The following SKP1 variants were observed in gnomAD, a reference collection of about 807,000 sequenced individuals.
SKP1 encodes S-phase kinase associated protein 1.
In SKP1, 1 loss-of-function variant was observed where a neutral mutation model predicts 21.5. The observed-to-expected ratio is 0.05, with a 90% confidence interval of 0.02 to 0.22. SKP1 has a LOEUF of 0.22. Among genes scored for constraint, SKP1 ranks in the 10% least tolerant of loss-of-function variants. SKP1 has a pLI of 1.00. For synonymous variants in SKP1, 59 were observed against 59.3 expected, an observed-to-expected ratio of 0.99 and a Z score of 0.03; for missense variants, 70 against 192.0, an observed-to-expected ratio of 0.36 and a Z score of 3.76.
In SKP1 at chr5:134,149,025, A is replaced by C. The variant is rs1349422555; in HGVS notation, c.*8708T>G. The C allele has an allele frequency of 6.6e-6, 1 of 152,218 alleles. No individual in the cohort carries two copies. The highest frequency in any genetic ancestry group is 6.5e-5 in the Admixed American group (1 of 15,286). 9.4% of individuals were successfully genotyped at this position (152,218 alleles called of 1,614,324 possible). A position where few individuals can be genotyped will look rare whatever the true frequency, so the allele number is the denominator to read the frequency against. On this transcript the variant is annotated 3_prime_UTR_variant, in exon 6 of 6. Coordinates refer to ENST00000353411, the MANE Select transcript of SKP1 (RefSeq NM_170679.3). ...GGGGGTACAAATGCAGCTGTGTTACATGAATATATTGTGTAGCGGTGAGGT... is the reference window on the plus strand; with the variant it reads ...GGGGGTACAAATGCAGCTGTGTTACCTGAATATATTGTGTAGCGGTGAGGT...
At position 134,150,116 on chromosome 5, in the gene SKP1, A is replaced by G. The variant is rs893899804; in HGVS notation, c.*7617T>C. ...AAGACGTTCATCCCTCCCCTGGTACAGCTGCTCCCCATTTTGTTCTCTGTG... is the reference window on the plus strand; with the variant it reads ...AAGACGTTCATCCCTCCCCTGGTACGGCTGCTCCCCATTTTGTTCTCTGTG... On this transcript the variant is annotated 3_prime_UTR_variant, in exon 6 of 6. Transcript: ENST00000353411. 3 of 152,082 alleles carry G rather than the reference A, an allele frequency of 2.0e-5. No individual in the cohort carries two copies. The highest frequency in any genetic ancestry group is 6.5e-5 in the Admixed American group (1 of 15,286). The allele number at this position is 152,082 out of a possible 1,614,324, so 9.4% of individuals were successfully genotyped here. A position where few individuals can be genotyped will look rare whatever the true frequency, so the allele number is the denominator to read the frequency against.
At position 134,151,416 on chromosome 5, in the gene SKP1, T is replaced by C. The variant is rs1761041373; in HGVS notation, c.*6317A>G. ...ATTTTCCCACCCCTTTCCGTAAGCT[T>C]CCTGGAACAGAAAAATCTGCAAAGC... On this transcript the variant is annotated 3_prime_UTR_variant, in exon 6 of 6. Transcript: ENST00000353411. The C allele has an allele frequency of 4.1e-6, 1 of 243,398 alleles. No individual in the cohort carries two copies. The highest frequency in any genetic ancestry group is 4.7e-5 in the Admixed American group (1 of 21,450). The allele number at this position is 243,398 out of a possible 1,614,324, so 15.1% of individuals were successfully genotyped here.
intron 5 of SKP1, chr5:134,158,147 G>A: frequency 1.5e-6 from 2 of 1,374,706 alleles, no homozygotes; most frequent in Non-Finnish European, 1.9e-6. Flanking sequence ...TCTAGGGCCT[G>A]CTTTTCTGAT....
chr5:134,170,946 C>T (rs1055474172), intron 2 of SKP1: 3 of 445,814 alleles, frequency 6.7e-6, no homozygotes, highest in Admixed American at 2.5e-5. Flanking sequence ...TAAAACCTTA[C>T]TCACCTGCCT....
At chr5:134,174,180 A>G (rs1179192920) in intron 1 of SKP1, among the ~76,000 whole-genome samples, 158 bp from the exon 2 acceptor site, 2 of 152,260 alleles carry the variant, frequency 1.3e-5, no homozygotes, top group Non-Finnish European at 2.9e-5. Context: ...GCAGTTATTC[A>G]CAAGTTAGTC....
At chr5:134,172,791 T>A (rs982526799) in intron 2 of SKP1, among the ~76,000 whole-genome samples, 1 of 151,908 alleles carries the variant, frequency 6.6e-6, no homozygotes, top group African/African-American at 2.4e-5. Context: ...GGCGGGTGGA[T>A]CGCAAGGTCA....
In SKP1 at chr5:134,158,476, A is replaced by G. The variant is rs768299975; in HGVS notation, c.435T>C (p.Phe145=). The change falls in exon 5 of 6, where the codon TTT becomes TTC. Residue 145 remains phenylalanine (F), a synonymous_variant. Coordinates refer to ENST00000353411, the MANE Select transcript of SKP1 (RefSeq NM_170679.3). ...CTACCTGGGCTTCCTCCTCTTCAGT[A>G]AAGTCATTTTTGATATTGAAGGTCT... ...IRKTFNIKND[F]TEEEEAQVRK... 94 of 1,613,950 alleles carry G rather than the reference A, an allele frequency of 5.8e-5. No individual in the cohort carries two copies. Among genetic ancestry groups the G allele is most frequent in the Non-Finnish European group, 7.9e-5 (93 of 1,179,976 alleles).
Position 134,159,347 on chromosome 5 carries a change from G to A in SKP1, c.316-752C>T, listed in dbSNP as rs541192651. Among the ~76,000 whole-genome samples, 140 of 152,256 alleles carry A rather than the reference G, an allele frequency of 9.2e-4. 1 individual carries two copies. Among genetic ancestry groups the A allele is most frequent in the Non-Finnish European group, 1.4e-3 (95 of 68,016 alleles). ...GTGATTTCTAATTCCATTGCAGTCA[G>A]AAGACATACTTTGTATGACCTGAAT... On this transcript the variant is annotated intron_variant, in intron 4 of 5. Coordinates refer to ENST00000353411, the MANE Select transcript of SKP1 (RefSeq NM_170679.3).
chr5:134,173,427 G>T, intron 2 of SKP1: 1 of 236,052 alleles, frequency 4.2e-6, no homozygotes, highest in Non-Finnish European at 8.6e-6. Context: ...GAAGGTTGAG[G>T]CTGCAGTGAG....
intron 2 of SKP1, among the ~76,000 whole-genome samples, chr5:134,167,745 C>T (rs6896125): frequency 0.021 from 3,237 of 152,156 alleles, 110 homozygotes; most frequent in African/African-American, 0.074. Flanking sequence ...AGGATGGTCT[C>T]GATCTCCTGA....
In SKP1 at chr5:134,151,544, CTT is replaced by C. The variant is rs1222772144; in HGVS notation, c.*6187_*6188del. On this transcript the variant is annotated 3_prime_UTR_variant, in exon 6 of 6. Coordinates refer to ENST00000353411, the MANE Select transcript of SKP1 (RefSeq NM_170679.3). ...GTGGGAGGTATTCAAAGTGAGAGCA[CTT>C]TAAGGAAATAAGCTGATCCTCAGTG... 1.4e-5 allele frequency: 5 copies of C among 359,198 alleles called. No individual in the cohort carries two copies. The highest frequency in any genetic ancestry group is 2.9e-5 in the Non-Finnish European group (5 of 174,884). The allele number at this position is 359,198 out of a possible 1,614,324, so 22.3% of individuals were successfully genotyped here. A position where few individuals can be genotyped will look rare whatever the true frequency, so the allele number is the denominator to read the frequency against.
chr5:134,173,843 G>T, intron 2 of SKP1, 83 bp downstream of exon 2: 1 of 818,810 alleles, frequency 1.2e-6, no homozygotes, highest in African/African-American at 1.7e-5. Context: ...CCTTATGACA[G>T]GCTGCTGCTC....
intron 2 of SKP1, among the ~76,000 whole-genome samples, chr5:134,167,717 G>T (rs1269977399): frequency 6.6e-6 from 1 of 152,088 alleles, no homozygotes; most frequent in Non-Finnish European, 1.5e-5. Context: ...GGAGAGACGG[G>T]GTTTCACCGT....
In SKP1 at chr5:134,149,839, T is replaced by G. The variant is rs1761017240; in HGVS notation, c.*7894A>C. The G allele has an allele frequency of 6.7e-6, 1 of 148,708 alleles. No homozygotes were observed. Among genetic ancestry groups the G allele is most frequent in the African/African-American group, 2.6e-5 (1 of 38,856 alleles). 9.2% of individuals were successfully genotyped at this position (148,708 alleles called of 1,614,324 possible). ...GAAGTCTTTGGCAACTCTGTTTAAA[T>G]CAGATCAGCTTTTTTTTTTTTTAAT... On this transcript the variant is annotated 3_prime_UTR_variant, in exon 6 of 6. Coordinates refer to ENST00000353411, the MANE Select transcript of SKP1 (RefSeq NM_170679.3).
intron 1 of SKP1, among the ~76,000 whole-genome samples, chr5:134,176,422 G>C (rs897678276): frequency 2.6e-5 from 4 of 152,060 alleles, no homozygotes; most frequent in Admixed American, 6.5e-5. Flanking sequence ...GCCAGACACC[G>C]ACACACGCCC....
intron 4 of SKP1, among the ~76,000 whole-genome samples, chr5:134,160,361 AAT>A (rs747889801): frequency 2.0e-5 from 3 of 150,894 alleles, no homozygotes. Context: ...CTGTCTCAAA[AAT>A]ATATATATAT....
At chr5:134,164,219 T>C (rs1390739264) in intron 3 of SKP1, among the ~76,000 whole-genome samples, 1 of 149,556 alleles carries the variant, frequency 6.7e-6, no homozygotes, top group Non-Finnish European at 1.5e-5. Context: ...CTACTGAGGC[T>C]GAAGCAGGAG....
At chr5:134,167,982 A>G (rs1331106145) in intron 2 of SKP1, among the ~76,000 whole-genome samples, 20 of 152,258 alleles carry the variant, frequency 1.3e-4, no homozygotes, top group Admixed American at 1.3e-3. Flanking sequence ...ACTATAACTT[A>G]TAAGACATGT....
At chr5:134,166,580 CAAAAAAAAA>C (rs36106913) in intron 3 of SKP1, among the ~76,000 whole-genome samples, 25 of 52,536 alleles carry the variant, frequency 4.8e-4, no homozygotes, top group Non-Finnish European at 6.5e-4. Flanking sequence ...ACTCTGGTCT[CAAAAAAAAA>C]AAAAAAAAAA....
Sources: gnomAD v4.1 joint callset for allele counts (sites outside exome capture counted in the v4.1 genomes callset) on GRCh38, gnomAD v4.1.1 for gene constraint, MANE v1.5 for transcripts, NCBI Gene and HGNC (gene_info 2026-07-23, HGNC 2026-07-21) for gene names.